The following SPINK2 variants were observed in gnomAD, a reference collection of about 807,000 sequenced individuals.
SPINK2 encodes the protein serine peptidase inhibitor Kazal type 2.
SPINK2 carries 8 observed loss-of-function variants against 13.5 expected under a neutral mutation model. The ratio of observed to expected loss-of-function variants is 0.59; its 90% CI spans 0.35 to 1.07. The LOEUF (loss-of-function observed/expected upper bound fraction) is 1.07. Among genes scored for constraint, SPINK2 ranks in the 50% least tolerant of loss-of-function variants. SPINK2 has a pLI of 0.02. For synonymous variants in SPINK2, 76 were observed against 74.7 expected, an observed-to-expected ratio of 1.02 and a Z score of -0.09; for missense variants, 148 against 180.3, an observed-to-expected ratio of 0.82 and a Z score of 1.03.
chr4:56,810,210 A>G (rs372502598), intron 3 of SPINK2, 26 bp from the exon 4 acceptor site: 10 of 1,579,838 alleles, frequency 6.3e-6, no homozygotes, highest in East Asian at 2.2e-5. Flanking sequence ...TCATAGAAAT[A>G]CATTTATTAC....
chr4:56,811,456 T>C (rs1716965660), intron 3 of SPINK2, among the ~76,000 whole-genome samples: 1 of 151,924 alleles, frequency 6.6e-6, no homozygotes, highest in African/African-American at 2.4e-5. Flanking sequence ...CTGTCTCTAC[T>C]AAAATTAAAA....
chr4:56,821,718 G>T (rs946323271), upstream of SPINK2: 39 of 1,399,134 alleles, frequency 2.8e-5, no homozygotes, highest in Non-Finnish European at 3.5e-5. Context: ...GCCACTCGCA[G>T]GGAGCGCTCG....
chr4:56,812,843 G>A (rs1426571763), intron 2 of SPINK2, among the ~76,000 whole-genome samples: 2 of 152,054 alleles, frequency 1.3e-5, no homozygotes, highest in Non-Finnish European at 2.9e-5. Flanking sequence ...GAGAATTGAA[G>A]CAAATTTGTG....
chr4:56,810,113 C>A lies in SPINK2; in HGVS notation c.*26G>T. 2 of 1,598,326 alleles carry A rather than the reference C, an allele frequency of 1.3e-6. No individual in the cohort carries two copies. ...AGTCTGCCAGTGAAGGTGGTCTCTC[C>A]ATCTTCTTTTCTGTAAACTGCTCCA... On this transcript the variant is annotated 3_prime_UTR_variant, in exon 4 of 4. Transcript: ENST00000506738.
At chr4:56,811,564 C>T (rs1716975797) in intron 3 of SPINK2, 121 bp downstream of exon 3, 1 of 484,552 alleles carries the variant, frequency 2.1e-6, no homozygotes, top group African/African-American at 2.1e-5. Flanking sequence ...TTGCAGTGAA[C>T]CAAGATTGCA....
In SPINK2 at chr4:56,809,961, T is replaced by C; in HGVS notation, c.*178A>G. 1 of 1,466,366 alleles carries C rather than the reference T, an allele frequency of 6.8e-7. No individual in the cohort carries two copies. The highest frequency in any genetic ancestry group is 1.4e-5 in the South Asian group (1 of 71,312). 90.8% of individuals were successfully genotyped at this position (1,466,366 alleles called of 1,614,324 possible). A position where few individuals can be genotyped will look rare whatever the true frequency, so the allele number is the denominator to read the frequency against. On this transcript the variant is annotated 3_prime_UTR_variant, in exon 4 of 4. Coordinates refer to ENST00000506738, the MANE Select transcript of SPINK2 (RefSeq NM_001271718.2). ...AGCAAAAGCCAAGAAACAAGGATTCTTTTTTTCTTTAAATTATCCATCACT... is the reference window on the plus strand; with the variant it reads ...AGCAAAAGCCAAGAAACAAGGATTCCTTTTTTCTTTAAATTATCCATCACT...
chr4:56,821,423 G>C, intron 1 of SPINK2, 35 bp downstream of exon 1: 1 of 1,479,996 alleles, frequency 6.8e-7, no homozygotes, highest in Non-Finnish European at 8.9e-7. Flanking sequence ...ACTCCACAAA[G>C]CCACCCCCAC....
intron 3 of SPINK2, among the ~76,000 whole-genome samples, chr4:56,811,177 A>G (rs1716943909): frequency 6.6e-6 from 1 of 152,234 alleles, no homozygotes; most frequent in African/African-American, 2.4e-5. Context: ...CTAATCACAC[A>G]TCTCATTGTT....
chr4:56,817,817 G>A (rs1717581231), intron 2 of SPINK2, among the ~76,000 whole-genome samples: 1 of 150,500 alleles, frequency 6.6e-6, no homozygotes, highest in South Asian at 2.1e-4. Context: ...TCGTGCCACT[G>A]CACTCCACCC....
chr4:56,810,094 C>G lies in SPINK2; in HGVS notation c.*45G>C, dbSNP rs184591586. On this transcript the variant is annotated 3_prime_UTR_variant, in exon 4 of 4. Coordinates refer to ENST00000506738, the MANE Select transcript of SPINK2 (RefSeq NM_001271718.2). ...GGGGAAATGCAATTTATCTAGTCTG[C>G]CAGTGAAGGTGGTCTCTCCATCTTC... is the stretch of plus-strand genomic sequence containing the variant. 3 of 1,573,856 alleles carry G rather than the reference C, an allele frequency of 1.9e-6. No individual in the cohort carries two copies. The highest frequency in any genetic ancestry group is 1.4e-5 in the African/African-American group (1 of 73,706).
intron 2 of SPINK2, among the ~76,000 whole-genome samples, chr4:56,817,816 T>G (rs924330934): frequency 1.3e-5 from 2 of 149,114 alleles, no homozygotes; most frequent in Non-Finnish European, 3.0e-5. Flanking sequence ...ATCGTGCCAC[T>G]GCACTCCACC....
At chr4:56,814,877 C>T (rs975234263) in intron 2 of SPINK2, among the ~76,000 whole-genome samples, 2 of 149,242 alleles carry the variant, frequency 1.3e-5, no homozygotes, top group African/African-American at 2.5e-5. Context: ...AGGAGAATGG[C>T]GTGAACCCAG....
intron 2 of SPINK2, among the ~76,000 whole-genome samples, chr4:56,820,279 A>C (rs1458506002): frequency 3.9e-5 from 6 of 152,186 alleles, no homozygotes; most frequent in Non-Finnish European, 7.3e-5. Context: ...AAAGTACATA[A>C]AATATCTAGT....
intron 3 of SPINK2, 164 bp from the exon 4 acceptor site, chr4:56,810,348 G>A: frequency 1.5e-6 from 1 of 654,178 alleles, no homozygotes; most frequent in Non-Finnish European, 2.6e-6. Flanking sequence ...CAAAGAGGGT[G>A]AAAGTCCCCA....
rs1717853661 is a variant in SPINK2, at chr4:56,820,596, TAG to T, written c.206-19_206-18del. On this transcript the variant is annotated intron_variant, in intron 1 of 3. Coordinates refer to ENST00000506738, the MANE Select transcript of SPINK2 (RefSeq NM_001271718.2). The stretch of plus-strand genomic sequence containing the variant: ...TCAGAGAGGCTGTAAGAAGAAAGCA[TAG>T]ACATTTTACAGTATAGGATCAAGGT... The T allele has an allele frequency of 6.2e-7, 1 of 1,600,108 alleles. No homozygotes were observed. The highest frequency in any genetic ancestry group is 1.7e-5 in the Admixed American group (1 of 59,914).
chr4:56,815,078 T>G (rs1578430881), intron 2 of SPINK2, among the ~76,000 whole-genome samples: 1 of 150,614 alleles, frequency 6.6e-6, no homozygotes, highest in East Asian at 1.9e-4. Flanking sequence ...AGGGTGAAAC[T>G]CTGTCTCAAA....
At chr4:56,811,629 GA>G (rs796760763) in intron 3 of SPINK2, 55 bp downstream of exon 3, 196 of 1,161,360 alleles carry the variant, frequency 1.7e-4, no homozygotes, top group South Asian at 3.3e-4. Context: ...AAAAAAAGAA[GA>G]AAAAAAAAGA....
intron 2 of SPINK2, among the ~76,000 whole-genome samples, chr4:56,819,298 G>A (rs1192060025): frequency 6.6e-6 from 1 of 152,172 alleles, no homozygotes; most frequent in Non-Finnish European, 1.5e-5. Context: ...CCTACTCTGA[G>A]CTGAATGCTC....
At chr4:56,810,489 G>A in intron 3 of SPINK2, 1 of 294,786 alleles carries the variant, frequency 3.4e-6, no homozygotes, top group Non-Finnish European at 6.3e-6. Context: ...GATTACTGGA[G>A]GTCAGGGGTT....
Sources: allele counts gnomAD v4.1 joint callset (sites outside exome capture counted in the v4.1 genomes callset), GRCh38; gene constraint gnomAD v4.1.1; transcripts MANE v1.5; gene names NCBI Gene and HGNC (gene_info 2026-07-23, HGNC 2026-07-21).